Variants in COL4A4 observed in about 807,000 individuals in gnomAD.
COL4A4 encodes the protein collagen alpha-4(IV) chain.
COL4A4 carries 105 observed loss-of-function variants against 192.9 expected under a neutral mutation model. The observed-to-expected ratio is 0.54, with a 90% CI of 0.46 to 0.64. COL4A4 has a LOEUF of 0.64. Ranked by LOEUF, COL4A4 falls within the 30% of genes least tolerant of loss-of-function variation. COL4A4 has a pLI of 0.00. For missense variants in COL4A4, 1,967 were observed against 2,169.3 expected, an observed-to-expected ratio of 0.91 and a Z score of 1.85; for synonymous variants, 762 against 769.9, an observed-to-expected ratio of 0.99 and a Z score of 0.17.
At position 227,094,151 on chromosome 2, in the gene COL4A4, C is replaced by T. The variant is rs2060085800; in HGVS notation, c.1343G>A (p.Gly448Asp). ...PGSPGLPGAP[G>D]LQGLPGSSVI... ...ACTTGATCCTGGGAGGCCCTGCAGG[C>T]CTGGTGCTCCAGGCAAGCCAGGTGA... Residue 448 changes from glycine (G) to aspartate (D), a missense_variant, in exon 20 of 48, where the codon GGC becomes GAC. Transcript: ENST00000396625. 1 of 1,613,638 alleles carries T rather than the reference C, an allele frequency of 6.2e-7. No individual in the cohort carries two copies. Among genetic ancestry groups the T allele is most frequent in the African/African-American group, 1.3e-5 (1 of 74,910 alleles).
At chr2:227,081,966 T>C in intron 23 of COL4A4, 149 bp downstream of exon 23, 1 of 757,512 alleles carries the variant, frequency 1.3e-6, no homozygotes, top group East Asian at 2.5e-5. Context: ...CATACAACCT[T>C]ATGAAGGGCA....
At chr2:226,975,513 C>T in the COL4A4 span, among the ~76,000 whole-genome samples, 3 of 152,140 alleles carry the variant, frequency 2.0e-5, no homozygotes, top group African/African-American at 7.2e-5. Context: ...CCTCGGGCCA[C>T]CCAGAAGCCA....
At chr2:227,112,959 A>G (rs2061301763) in intron 8 of COL4A4, among the ~76,000 whole-genome samples, 2 of 152,042 alleles carry the variant, frequency 1.3e-5, no homozygotes, top group Admixed American at 6.5e-5. Context: ...TTATCCATTC[A>G]TCTGTTGATG....
intron 33 of COL4A4, 139 bp from the exon 34 acceptor site, chr2:227,050,270 A>G: frequency 2.7e-6 from 2 of 747,042 alleles, no homozygotes; most frequent in South Asian, 2.9e-5. Context: ...AAATGCATGC[A>G]AGCCTCCCAC....
At chr2:227,074,121 A>C (rs2058883391) in intron 25 of COL4A4, among the ~76,000 whole-genome samples, 1 of 152,154 alleles carries the variant, frequency 6.6e-6, no homozygotes, top group South Asian at 2.1e-4. Context: ...AAACCCACAG[A>C]ATGGGAGAAG....
the COL4A4 span, among the ~76,000 whole-genome samples, chr2:226,979,221 G>T: frequency 1.3e-5 from 2 of 152,174 alleles, no homozygotes; most frequent in South Asian, 4.1e-4. Flanking sequence ...TGAAGAAACT[G>T]CAGTCTCATT....
At chr2:227,058,011 A>T (rs994334737) in intron 28 of COL4A4, among the ~76,000 whole-genome samples, 1 of 152,246 alleles carries the variant, frequency 6.6e-6, no homozygotes, top group Non-Finnish European at 1.5e-5. Flanking sequence ...CTAGAAAGAC[A>T]GGGTCATAAT....
chr2:227,011,968 C>T (rs183518452), intron 45 of COL4A4, among the ~76,000 whole-genome samples: 244 of 152,282 alleles, frequency 1.6e-3, no homozygotes, highest in South Asian at 1.5e-3. Flanking sequence ...AGGGCCTTGT[C>T]TAGGTTTTAT....
the COL4A4 span, among the ~76,000 whole-genome samples, chr2:226,990,800 G>C: frequency 6.6e-6 from 1 of 152,194 alleles, no homozygotes; most frequent in Non-Finnish European, 1.5e-5. Flanking sequence ...GTTCTTTGAA[G>C]CATGCTCACT....
chr2:227,100,856 G>A (rs560342181), intron 17 of COL4A4, among the ~76,000 whole-genome samples: 22 of 151,244 alleles, frequency 1.5e-4, no homozygotes, highest in African/African-American at 5.3e-4. Context: ...CCAGGATGGA[G>A]TGCAGTGGTG....
At chr2:227,130,911 A>G (rs917148059) in intron 4 of COL4A4, among the ~76,000 whole-genome samples, 10 of 150,206 alleles carry the variant, frequency 6.7e-5, no homozygotes, top group Non-Finnish European at 8.9e-5. Flanking sequence ...AAATATGTCC[A>G]CCTCCCATCC....
At chr2:227,101,393 T>G (rs2060514104) in intron 17 of COL4A4, 111 bp downstream of exon 17, 2 of 920,448 alleles carry the variant, frequency 2.2e-6, no homozygotes, top group Admixed American at 5.4e-5. Context: ...CTGTATCTCT[T>G]CTAAAAATTA....
intron 12 of COL4A4, 39 bp from the exon 13 acceptor site, chr2:227,104,091 A>G: frequency 6.4e-7 from 1 of 1,568,924 alleles, no homozygotes. Context: ...TTTCATATTA[A>G]TTTATGTTTT....
At chr2:227,158,319 T>TA (rs1408996966) in intron 1 of COL4A4, among the ~76,000 whole-genome samples, 2 of 152,096 alleles carry the variant, frequency 1.3e-5, no homozygotes, top group Admixed American at 1.3e-4. Flanking sequence ...CCTTATCTCA[T>TA]ACCATACCCA....
At chr2:227,082,060 G>A in intron 23 of COL4A4, 55 bp downstream of exon 23, 1 of 1,375,980 alleles carries the variant, frequency 7.3e-7, no homozygotes, top group East Asian at 2.3e-5. Flanking sequence ...TGCAAGAGGA[G>A]GGTCCATACA....
At chr2:227,149,250 C>A (rs1161209197) in intron 1 of COL4A4, among the ~76,000 whole-genome samples, 1 of 152,142 alleles carries the variant, frequency 6.6e-6, no homozygotes, top group Non-Finnish European at 1.5e-5. Flanking sequence ...CAACATTCTA[C>A]AATAAAGTTT....
At chr2:227,072,476 G>A (rs1238644686) in intron 25 of COL4A4, among the ~76,000 whole-genome samples, 1 of 151,816 alleles carries the variant, frequency 6.6e-6, no homozygotes, top group African/African-American at 2.4e-5. Context: ...TAGACACTGA[G>A]AGAAAAGAAT....
the COL4A4 span, among the ~76,000 whole-genome samples, chr2:226,980,523 C>T: frequency 6.6e-6 from 1 of 152,122 alleles, no homozygotes; most frequent in Non-Finnish European, 1.5e-5. Flanking sequence ...TCAGATCTAC[C>T]ATCCTGAAGA....
At chr2:227,059,006 CAT>C (rs922470346) in intron 28 of COL4A4, among the ~76,000 whole-genome samples, 4 of 152,176 alleles carry the variant, frequency 2.6e-5, no homozygotes, top group African/African-American at 9.6e-5. Flanking sequence ...CCGGCTCTCC[CAT>C]AGAGTGTTCC....
Sources: gnomAD v4.1 joint callset for allele counts (sites outside exome capture counted in the v4.1 genomes callset) on GRCh38, gnomAD v4.1.1 for gene constraint, MANE v1.5 for transcripts, NCBI Gene and HGNC (gene_info 2026-07-23, HGNC 2026-07-21) for gene names.